VSTM1: variants seen among roughly 807,000 people sequenced by gnomAD.
VSTM1 encodes the protein V-set and transmembrane domain-containing protein 1.
VSTM1 carries 27 observed loss-of-function variants against 33.1 expected under a neutral mutation model. That is an observed-to-expected ratio of 0.82 (90% confidence interval 0.60 to 1.12). VSTM1 has a LOEUF of 1.12. VSTM1 is among the 50% of genes most tolerant of loss of function. The pLI is 0.00. For synonymous variants in VSTM1, 115 were observed against 110.3 expected (o/e 1.04, Z -0.27); for missense variants, 304 against 288.9 (o/e 1.05, Z -0.38).
chr19:54,043,466 C>A (rs2070420643), intron 4 of VSTM1, among the ~76,000 whole-genome samples: 1 of 151,746 alleles, frequency 6.6e-6, no homozygotes, highest in Admixed American at 6.6e-5. Context: ...GGCTGGAGTG[C>A]AATAGTGCAA....
chr19:54,041,950 G>A lies in VSTM1; in HGVS notation c.519C>T (p.Thr173=). 6.2e-7 allele frequency: 1 copy of A among 1,614,148 alleles called. No individual in the cohort carries two copies. Among genetic ancestry groups the A allele is most frequent in the Non-Finnish European group, 8.5e-7 (1 of 1,180,038 alleles). The change falls in exon 7 of 9, where the codon ACC becomes ACT. Residue 173 remains threonine, a synonymous_variant. Transcript: ENST00000338372. ...CCTGCTCCGGAAGTTTGGAATGGCT[G>A]GTTCTGAAAGAGAGAGACACACGTG... ...SSSSEESTKR[T]SHSKLPEQEA...
chr19:54,061,101 T>C (rs1228496502), intron 1 of VSTM1, among the ~76,000 whole-genome samples: 1 of 141,500 alleles, frequency 7.1e-6, no homozygotes, highest in East Asian at 2.2e-4. Context: ...CACTGCAACC[T>C]CTGCCTCCCA....
intron 3 of VSTM1, among the ~76,000 whole-genome samples, chr19:54,053,480 CTCTT>C (rs2070949313): frequency 1.4e-5 from 2 of 142,796 alleles, no homozygotes; most frequent in Non-Finnish European, 3.1e-5. Context: ...CATTTGCTCT[CTCTT>C]TCTTCTCTCT....
intron 3 of VSTM1, among the ~76,000 whole-genome samples, chr19:54,055,298 G>C (rs1181019085): frequency 7.1e-6 from 1 of 141,610 alleles, no homozygotes; most frequent in East Asian, 2.0e-4. Context: ...TTTCATTTAT[G>C]TCTGAATAGC....
chr19:54,050,105 T>C (rs1185557900), intron 4 of VSTM1, among the ~76,000 whole-genome samples: 3 of 149,928 alleles, frequency 2.0e-5, no homozygotes, highest in Non-Finnish European at 4.4e-5. Context: ...TTCAAGCAAT[T>C]CTCCTGCCTC....
In VSTM1 at chr19:54,054,664, T is replaced by C. The variant is rs1489917827; in HGVS notation, c.356-3216A>G. On this transcript the variant is annotated intron_variant, in intron 3 of 8. Coordinates refer to ENST00000338372, the MANE Select transcript of VSTM1 (RefSeq NM_198481.4). ...ATGGATGGATGGATGGATGGATGGA[T>C]AGATGGATAGGTGGGTGGGGGTGAG... Among the ~76,000 whole-genome samples, 3 of 140,260 alleles carry C rather than the reference T, an allele frequency of 2.1e-5. 1 individual carries two copies. Among genetic ancestry groups the C allele is most frequent in the East Asian group, 2.0e-4 (1 of 4,950 alleles). The allele number at this position is 140,260 out of a possible 152,430, so 92.0% of individuals were successfully genotyped here.
Position 54,042,316 on chromosome 19 carries a change from AGAG to A in VSTM1, c.445_447del (p.Leu149del), listed in dbSNP as rs758021193. The A allele has an allele frequency of 8.7e-6, 14 of 1,613,940 alleles. No homozygotes were observed. Among genetic ancestry groups the A allele is most frequent in the East Asian group, 6.7e-5 (3 of 44,854 alleles). The stretch of plus-strand genomic sequence containing the variant: ...CTGTAGATGATGAAGACTGAGAGGA[AGAG>A]GAGAAGGATGGAGATGCAGCTGAAG... On this transcript the variant is annotated inframe_deletion, in exon 5 of 9. Coordinates refer to ENST00000338372, the MANE Select transcript of VSTM1 (RefSeq NM_198481.4).
At chr19:54,060,034 A>G (rs2071317062) in intron 1 of VSTM1, among the ~76,000 whole-genome samples, 1 of 148,864 alleles carries the variant, frequency 6.7e-6, no homozygotes, top group Non-Finnish European at 1.5e-5. Flanking sequence ...TTGTATTTTT[A>G]GTAGAGACGG....
intron 8 of VSTM1, 148 bp from the exon 9 acceptor site, chr19:54,041,228 T>G: frequency 1.3e-6 from 1 of 788,820 alleles, no homozygotes; most frequent in African/African-American, 1.8e-5. Context: ...CTTTTTCTTT[T>G]CTGTTTTTAT....
intron 4 of VSTM1, among the ~76,000 whole-genome samples, chr19:54,049,799 T>A (rs780819467): frequency 1.3e-5 from 2 of 152,104 alleles, no homozygotes; most frequent in South Asian, 4.1e-4. Flanking sequence ...GAAAACCGAT[T>A]ATACCAGCAC....
At chr19:54,043,703 C>T (rs59308825) in intron 4 of VSTM1, among the ~76,000 whole-genome samples, 3,048 of 152,268 alleles carry the variant, frequency 0.02, 107 homozygotes, top group African/African-American at 0.069. Flanking sequence ...TGAGCCACCA[C>T]ACCCAGCTTA....
intron 1 of VSTM1, among the ~76,000 whole-genome samples, chr19:54,061,369 G>A (rs545123346): frequency 3.9e-5 from 6 of 152,232 alleles, no homozygotes; most frequent in Admixed American, 3.3e-4. Flanking sequence ...CAGGACCTGC[G>A]AATGTGACCT....
Position 54,056,214 on chromosome 19 carries a change from C to CTTTTTTT in VSTM1, c.355+2085_355+2091dup, listed in dbSNP as rs869203085. The stretch of plus-strand genomic sequence containing the variant: ...TTCTTTCTTTCTTTTCTTTTCTTTT[C>CTTTTTTT]TTTTTTTTTTTTTTTTTTTTTTTTT... On this transcript the variant is annotated intron_variant, in intron 3 of 8. Transcript: ENST00000338372. Among the ~76,000 whole-genome samples, 122 of 39,166 alleles carry CTTTTTTT rather than the reference C, an allele frequency of 3.1e-3. 2 individuals are homozygous for CTTTTTTT. The highest frequency in any genetic ancestry group is 8.2e-3 in the African/African-American group (84 of 10,286). 25.7% of individuals were successfully genotyped at this position (39,166 alleles called of 152,430 possible).
At chr19:54,051,488 T>G in intron 3 of VSTM1, 40 bp from the exon 4 acceptor site, 1 of 1,545,494 alleles carries the variant, frequency 6.5e-7, no homozygotes, top group Non-Finnish European at 8.8e-7. Flanking sequence ...ACACTAATCA[T>G]ACAGGAACCT....
In VSTM1 at chr19:54,063,896, A is replaced by T. The variant is rs891188478; in HGVS notation, c.-119T>A. 5.2e-5 allele frequency: 58 copies of T among 1,122,932 alleles called. No homozygotes were observed. The African/African-American group carries it at 9.3e-4, about 18-fold the overall frequency. 69.6% of individuals were successfully genotyped at this position (1,122,932 alleles called of 1,614,324 possible). A position where few individuals can be genotyped will look rare whatever the true frequency, so the allele number is the denominator to read the frequency against. ...GTTCGTCCCCAGGATGTGCAGATAG[A>T]GGAGGTTTTGCTCTGACACTCTGGT... On this transcript the variant is annotated 5_prime_UTR_variant, in exon 1 of 9. Transcript: ENST00000338372.
At position 54,040,931 on chromosome 19, in the gene VSTM1, C is replaced by T. The variant is rs376810772; in HGVS notation, c.*30G>A. On this transcript the variant is annotated 3_prime_UTR_variant, in exon 9 of 9. Coordinates refer to ENST00000338372, the MANE Select transcript of VSTM1 (RefSeq NM_198481.4). ...GATAACCTTGGCCAGCACGATCCCC[C>T]CTCCTTTAGTGGCCAGGGCTGTCTT... 3.7e-6 allele frequency: 6 copies of T among 1,603,644 alleles called. No individual in the cohort carries two copies. Among genetic ancestry groups the T allele is most frequent in the Non-Finnish European group, 4.3e-6 (5 of 1,175,494 alleles).
chr19:54,047,883 G>A (rs1438919582), intron 4 of VSTM1, among the ~76,000 whole-genome samples: 1 of 152,124 alleles, frequency 6.6e-6, no homozygotes, highest in African/African-American at 2.4e-5. Flanking sequence ...TTTGCAAATT[G>A]CCAGAATAAA....
rs140870757 is a variant in VSTM1 at position 54,041,036 on chromosome 19, G to A, written c.636C>T (p.Ser212=). ...QGVTYAELST[S]ALSEAASDTT... The stretch of plus-strand genomic sequence containing the variant: ...TGTCTGAAGCTGCCTCAGACAGGGC[G>A]CTGGTGCTTAGCTCAGCATAGGTCA... Residue 212 remains serine, a synonymous_variant, in exon 9 of 9, where the codon AGC becomes AGT. Transcript: ENST00000338372. The A allele has an allele frequency of 1.4e-3, 2,294 of 1,607,748 alleles. 2 individuals carry two copies. The highest frequency in any genetic ancestry group is 1.9e-3 in the Non-Finnish European group (2,202 of 1,177,964).
At chr19:54,055,705 G>A (rs2071054498) in intron 3 of VSTM1, 1 of 142,394 alleles carries the variant, frequency 7.0e-6, no homozygotes. Context: ...CAATACATTC[G>A]GTTCCATTGT....
Sources: gnomAD v4.1 joint callset for allele counts (sites outside exome capture counted in the v4.1 genomes callset) on GRCh38, gnomAD v4.1.1 for gene constraint, MANE v1.5 for transcripts, NCBI Gene and HGNC (gene_info 2026-07-23, HGNC 2026-07-21) for gene names.